ELF4: variants seen among roughly 807,000 people sequenced by gnomAD.
ELF4 encodes E74 like ETS transcription factor 4, also known as ETS-related transcription factor Elf-4.
Under a neutral mutation model 31.7 loss-of-function variants are expected in ELF4, and 10 were observed. The ratio of observed to expected loss-of-function variants is 0.32; its 90% CI spans 0.19 to 0.54. ELF4 has a LOEUF of 0.54. Among genes scored for constraint, ELF4 ranks in the 20% least tolerant of loss-of-function variants. ELF4 has a pLI of 0.95. For missense variants in ELF4, 418 were observed against 522.0 expected (o/e 0.80, Z 1.94); for synonymous variants, 208 against 226.7 (o/e 0.92, Z 0.74).
rs2124618596 is a variant in ELF4 at position 130,076,425 on chromosome X, T to C, written c.76-1673A>G. On this transcript the variant is annotated intron_variant, in intron 2 of 8. Coordinates refer to ENST00000308167, the MANE Select transcript of ELF4 (RefSeq NM_001421.4). Reference sequence around the variant, plus strand: ...AATAAATATGCCAGGATGTTAATCATAGTTTTCTTTTCTTTTCTTTTTCTG... The same window carrying C: ...AATAAATATGCCAGGATGTTAATCACAGTTTTCTTTTCTTTTCTTTTTCTG... Among the ~76,000 whole-genome samples the C allele has an allele frequency of 1.8e-5, 2 of 111,486 alleles. 1 individual carries two copies. The highest frequency in any genetic ancestry group is 7.5e-4 in the South Asian group (2 of 2,660).
chrX:130,090,372 CA>C (rs1183281100), intron 1 of ELF4, among the ~76,000 whole-genome samples: 81 of 96,175 alleles, frequency 8.4e-4, no homozygotes, highest in East Asian at 1.3e-3. Context: ...GACTCTGTCT[CA>C]AAAAAAAAAA....
chrX:130,092,378 G>A (rs780501439), intron 1 of ELF4, among the ~76,000 whole-genome samples: 4 of 112,997 alleles, frequency 3.5e-5, no homozygotes, highest in South Asian at 7.2e-4. Context: ...AGGGCCCTGC[G>A]TGGTGAGTGG....
At chrX:130,106,288 T>C (rs1933378165) in intron 1 of ELF4, among the ~76,000 whole-genome samples, 1 of 110,859 alleles carries the variant, frequency 9.0e-6, no homozygotes, top group Non-Finnish European at 1.9e-5. Context: ...GACCAGCCAC[T>C]GGCCCGGCTG....
intron 2 of ELF4, among the ~76,000 whole-genome samples, chrX:130,076,513 C>T (rs1183679299): frequency 1.8e-5 from 2 of 112,242 alleles, no homozygotes; most frequent in South Asian, 7.4e-4. Flanking sequence ...CTTACTGCAA[C>T]CTCCACCTCC....
intron 1 of ELF4, among the ~76,000 whole-genome samples, chrX:130,107,862 C>T (rs1350789138): frequency 8.9e-6 from 1 of 112,703 alleles, no homozygotes; most frequent in Non-Finnish European, 1.9e-5. Flanking sequence ...TGACTGGGAT[C>T]ACATAGCTAG....
chrX:130,073,998 A>T, intron 4 of ELF4, 51 bp downstream of exon 4: 1 of 1,163,888 alleles, frequency 8.6e-7, no homozygotes, highest in Non-Finnish European at 1.2e-6. Flanking sequence ...TCATATTTTT[A>T]AATGGAATTA....
At chrX:130,074,555 C>T in intron 3 of ELF4, 26 bp downstream of exon 3, 2 of 1,211,488 alleles carry the variant, frequency 1.7e-6, no homozygotes, top group East Asian at 3.0e-5. Flanking sequence ...TCTACCACAC[C>T]TTCTCTGCCC....
chrX:130,068,320 T>G (rs991581626), intron 8 of ELF4, among the ~76,000 whole-genome samples: 1 of 112,076 alleles, frequency 8.9e-6, no homozygotes, highest in African/African-American at 3.2e-5. Context: ...TATCCTTTGA[T>G]TTCTTCCAAG....
chrX:130,067,866 G>A (rs925659093), intron 8 of ELF4, among the ~76,000 whole-genome samples: 5 of 110,418 alleles, frequency 4.5e-5, no homozygotes, highest in South Asian at 3.9e-4. Context: ...AGGCTGGAGT[G>A]CAGTAGTGCA....
intron 4 of ELF4, 141 bp from the exon 5 acceptor site, chrX:130,072,558 G>A (rs971563765): frequency 1.1e-5 from 6 of 565,545 alleles, no homozygotes; most frequent in Non-Finnish European, 1.7e-5. Context: ...ACCTGAAAAT[G>A]CCTCATGTGG....
chrX:130,078,748 ACT>A (rs1166569826), intron 2 of ELF4, among the ~76,000 whole-genome samples: 38 of 93,657 alleles, frequency 4.1e-4, no homozygotes, highest in Non-Finnish European at 7.4e-4. Context: ...CAAGAGCAAA[ACT>A]CTCTCTCTCT....
intron 1 of ELF4, among the ~76,000 whole-genome samples, chrX:130,086,463 A>C (rs1017882679): frequency 8.9e-6 from 1 of 112,030 alleles, no homozygotes; most frequent in African/African-American, 3.2e-5. Flanking sequence ...ATTAGATGGC[A>C]GGTCCCAGGC....
chrX:130,098,679 C>T (rs926730644), intron 1 of ELF4, among the ~76,000 whole-genome samples: 6 of 112,199 alleles, frequency 5.3e-5, no homozygotes, highest in Non-Finnish European at 1.1e-4. Flanking sequence ...AAGATTATCC[C>T]CCAGGACAGA....
intron 1 of ELF4, among the ~76,000 whole-genome samples, chrX:130,095,466 C>T (rs777650189): frequency 8.9e-6 from 1 of 112,074 alleles, no homozygotes; most frequent in South Asian, 3.7e-4. Context: ...TTCCTCTGTC[C>T]ATGCTAGCAA....
At chrX:130,101,552 G>GT (rs1320766132) in intron 1 of ELF4, among the ~76,000 whole-genome samples, 1 of 111,564 alleles carries the variant, frequency 9.0e-6, no homozygotes, top group Non-Finnish European at 1.9e-5. Context: ...CAGCACTTTG[G>GT]AAGGCCGAGG....
At chrX:130,084,393 G>A (rs751571742) in intron 1 of ELF4, among the ~76,000 whole-genome samples, 2 of 112,592 alleles carry the variant, frequency 1.8e-5, no homozygotes, top group South Asian at 3.6e-4. Flanking sequence ...GGGAGCTGGT[G>A]GGGGAGGGAG....
intron 1 of ELF4, among the ~76,000 whole-genome samples, chrX:130,097,602 A>T (rs1003772749): frequency 8.9e-6 from 1 of 111,976 alleles, no homozygotes; most frequent in Non-Finnish European, 1.9e-5. Context: ...GATGATGAAG[A>T]TTTTCCCATG....
intron 7 of ELF4, among the ~76,000 whole-genome samples, chrX:130,070,616 C>T (rs1376732359): frequency 1.1e-5 from 1 of 94,830 alleles, no homozygotes; most frequent in Non-Finnish European, 2.1e-5. Context: ...AAAAAACATA[C>T]AAAAAATTAG....
intron 1 of ELF4, among the ~76,000 whole-genome samples, chrX:130,095,982 G>C (rs1933142214): frequency 9.0e-6 from 1 of 111,415 alleles, no homozygotes; most frequent in South Asian, 3.8e-4. Context: ...CTCTGTGGTA[G>C]AGTCTCTTTG....
Sources: gnomAD v4.1 joint callset for allele counts (sites outside exome capture counted in the v4.1 genomes callset) on GRCh38, gnomAD v4.1.1 for gene constraint, MANE v1.5 for transcripts, NCBI Gene and HGNC (gene_info 2026-07-23, HGNC 2026-07-21) for gene names.